The following FNDC11 variants were observed in gnomAD, a reference collection of about 807,000 sequenced individuals.
FNDC11 encodes fibronectin type III domain containing 11.
FNDC11 carries 15 observed loss-of-function variants against 15.8 expected under a neutral mutation model. The ratio of observed to expected loss-of-function variants is 0.95; its 90% CI spans 0.63 to 1.46. FNDC11 has a LOEUF of 1.46. FNDC11 is among the 40% of genes most tolerant of loss of function. The probability of loss-of-function intolerance (pLI) is 0.00; values close to 1 mark genes in which losing one functional copy is unlikely to be tolerated. For synonymous variants in FNDC11, 190 were observed against 203.1 expected (o/e 0.94, Z 0.55); for missense variants, 416 against 443.4 (o/e 0.94, Z 0.55).
At chr20:63,553,735 C>G (rs1029088439), upstream of FNDC11, 1 of 153,348 alleles carries the variant, frequency 6.5e-6, no homozygotes, top group African/African-American at 2.4e-5. Context: ...GCGGGGGAAG[C>G]CGCCCCTCTC....
upstream of FNDC11, among the ~76,000 whole-genome samples, chr20:63,553,305 C>T (rs2082774487): frequency 6.6e-6 from 1 of 152,184 alleles, no homozygotes. Flanking sequence ...CAGGTCGGTG[C>T]CTGAGCTTGG....
rs773939617 is a variant in FNDC11, at chr20:63,556,409, C to T, written c.746C>T (p.Pro249Leu). ...GAGTTGCGCTTCAGGCTGCTGGACC[C>T]GCGGACACAGCAGGAGTGCGCCCAG... ...QYELRFRLLD[P>L]RTQQECAQCG... The change falls in exon 2 of 2, where the codon CCG becomes CTG. Residue 249 changes from proline to leucine, a missense_variant. Pro to Leu is a moderately conservative substitution (Grantham distance 98). Coordinates refer to ENST00000370097, the MANE Select transcript of FNDC11 (RefSeq NM_001319152.2). 6.8e-6 allele frequency: 11 copies of T among 1,612,934 alleles called. No homozygotes were observed. Among genetic ancestry groups the T allele is most frequent in the East Asian group, 2.2e-5 (1 of 44,896 alleles).
chr20:63,556,009 A>C lies in FNDC11; in HGVS notation c.346A>C (p.Thr116Pro). The C allele has an allele frequency of 6.2e-7, 1 of 1,600,250 alleles. No individual in the cohort carries two copies. Among genetic ancestry groups the C allele is most frequent in the Non-Finnish European group, 8.5e-7 (1 of 1,179,948 alleles). Reference protein sequence around the residue: ...WKFQRMKKVGTAQTKIQLLLL... With the variant: ...WKFQRMKKVGPAQTKIQLLLL... Reference sequence around the variant, plus strand: ...GTTCCAGCGCATGAAGAAGGTGGGCACAGCTCAGACCAAGATCCAGCTCCT... The same window carrying C: ...GTTCCAGCGCATGAAGAAGGTGGGCCCAGCTCAGACCAAGATCCAGCTCCT... The change falls in exon 2 of 2, where the codon ACA becomes CCA. Residue 116 changes from threonine (T) to proline (P), a missense_variant. By Grantham distance (38) the Thr-to-Pro change is conservative. Transcript: ENST00000370097.
Position 63,556,482 on chromosome 20 carries a change from G to A in FNDC11, c.819G>A (p.Leu273=). 1.2e-6 allele frequency: 2 copies of A among 1,613,640 alleles called. No individual in the cohort carries two copies. Among genetic ancestry groups the A allele is most frequent in the South Asian group, 1.1e-5 (1 of 91,078 alleles). ...CCTGCACCTTCGACGTCCGAAACCT[G>A]CTGCCCAACCGATCCTATAAGTTCA... is the stretch of plus-strand genomic sequence containing the variant. ...VAACTFDVRN[L]LPNRSYKFTI... Residue 273 remains leucine (L), a synonymous_variant, in exon 2 of 2, where the codon CTG becomes CTA. Coordinates refer to ENST00000370097, the MANE Select transcript of FNDC11 (RefSeq NM_001319152.2).
At chr20:63,555,355 G>A in intron 1 of FNDC11, 1 of 374,610 alleles carries the variant, frequency 2.7e-6, no homozygotes. Context: ...TAGGAACTGG[G>A]GCCCTTGCAA....
Position 63,556,053 on chromosome 20 carries a change from G to A in FNDC11, c.390G>A (p.Leu130=), listed in dbSNP as rs778820120. The A allele has an allele frequency of 2.5e-6, 4 of 1,599,966 alleles. No homozygotes were observed. Among genetic ancestry groups the A allele is most frequent in the East Asian group, 2.2e-5 (1 of 44,894 alleles). ...KIQLLLLGDL[L]EQLDHGRAEL... ...AGCTCCTGCTGCTCGGGGACCTGTTGGAACAGCTCGACCATGGCCGTGCTG... is the reference window on the plus strand; with the variant it reads ...AGCTCCTGCTGCTCGGGGACCTGTTAGAACAGCTCGACCATGGCCGTGCTG... The change falls in exon 2 of 2, where the codon TTG becomes TTA. Residue 130 remains leucine (L), a synonymous_variant. Transcript: ENST00000370097.
chr20:63,556,015 C>G lies in FNDC11; in HGVS notation c.352C>G (p.Gln118Glu). 1 of 1,600,244 alleles carries G rather than the reference C, an allele frequency of 6.2e-7. No homozygotes were observed. Among genetic ancestry groups the G allele is most frequent in the Non-Finnish European group, 8.5e-7 (1 of 1,179,944 alleles). The change falls in exon 2 of 2, where the codon CAG (glutamine) becomes GAG (glutamate). Residue 118 changes from glutamine (Q) to glutamate (E), a missense_variant. Coordinates refer to ENST00000370097, the MANE Select transcript of FNDC11 (RefSeq NM_001319152.2). Reference protein sequence around the residue: ...FQRMKKVGTAQTKIQLLLLGD... With the variant: ...FQRMKKVGTAETKIQLLLLGD... Reference sequence around the variant, plus strand: ...GCGCATGAAGAAGGTGGGCACAGCTCAGACCAAGATCCAGCTCCTGCTGCT... The same window carrying G: ...GCGCATGAAGAAGGTGGGCACAGCTGAGACCAAGATCCAGCTCCTGCTGCT...
chr20:63,553,324 A>G (rs1194230886), upstream of FNDC11, among the ~76,000 whole-genome samples: 1 of 152,114 alleles, frequency 6.6e-6, no homozygotes, highest in East Asian at 2.0e-4. Flanking sequence ...GGGCAGCCCC[A>G]GGTGGAAGGA....
At chr20:63,554,122 G>C (rs1164686386), upstream of FNDC11, 1 of 152,254 alleles carries the variant, frequency 6.6e-6, no homozygotes, top group Non-Finnish European at 1.5e-5. Flanking sequence ...CGTCACAAAG[G>C]CCGCTGGTCC....
chr20:63,555,733 CAGG>C lies in FNDC11; in HGVS notation c.77_79del (p.Glu26del), dbSNP rs765790166. 1.1e-5 allele frequency: 17 copies of C among 1,613,228 alleles called. No individual in the cohort carries two copies. Among genetic ancestry groups the C allele is most frequent in the Non-Finnish European group, 1.4e-5 (17 of 1,180,024 alleles). Reference sequence around the variant, plus strand: ...GGGCAATCCCCAGTCCTTCCTGGACCAGGAGGAGGCAGATGACCAGCAGCTGCT... The same window carrying C: ...GGGCAATCCCCAGTCCTTCCTGGACCAGGAGGCAGATGACCAGCAGCTGCT... On this transcript the variant is annotated inframe_deletion, in exon 2 of 2. Transcript: ENST00000370097.
In FNDC11 at chr20:63,556,336, C is replaced by T. The variant is rs772705629; in HGVS notation, c.673C>T (p.Arg225Trp). 2.2e-5 allele frequency: 36 copies of T among 1,611,598 alleles called. No individual in the cohort carries two copies. The highest frequency in any genetic ancestry group is 1.6e-4 in the Middle Eastern group (1 of 6,082). The change falls in exon 2 of 2, where the codon CGG (arginine) becomes TGG (tryptophan). Residue 225 changes from arginine to tryptophan, a missense_variant. Transcript: ENST00000370097. ...KASAAHQDWA[R>W]LRWFVTIQPA... ...GTCGGCGGCTCACCAGGACTGGGCCCGGCTGCGCTGGTTCGTCACCATCCA... is the reference window on the plus strand; with the variant it reads ...GTCGGCGGCTCACCAGGACTGGGCCTGGCTGCGCTGGTTCGTCACCATCCA...
upstream of FNDC11, among the ~76,000 whole-genome samples, chr20:63,553,339 A>T (rs2082774726): frequency 6.6e-6 from 1 of 151,276 alleles, no homozygotes; most frequent in South Asian, 2.1e-4. Context: ...GAAGGAGCCC[A>T]TGGTGGGAGG....
rs1346802470 is a variant in FNDC11, at chr20:63,555,567, G to A, written c.-10-87G>A. The A allele has an allele frequency of 6.8e-6, 10 of 1,465,374 alleles. No homozygotes were observed. The East Asian group carries it at 2.5e-4, about 36-fold the overall frequency. The allele number at this position is 1,465,374 out of a possible 1,614,324, so 90.8% of individuals were successfully genotyped here. A position where few individuals can be genotyped will look rare whatever the true frequency, so the allele number is the denominator to read the frequency against. On this transcript the variant is annotated intron_variant, in intron 1 of 1. Coordinates refer to ENST00000370097, the MANE Select transcript of FNDC11 (RefSeq NM_001319152.2). The stretch of plus-strand genomic sequence containing the variant: ...AAGAAGGACAGAGGTCCAGCATGGG[G>A]TCAGTGGGCTGAATCCATCCCCCGA...
Position 63,556,138 on chromosome 20 carries a change from G to A in FNDC11, c.475G>A (p.Val159Met). The A allele has an allele frequency of 6.3e-7, 1 of 1,595,818 alleles. No individual in the cohort carries two copies. The highest frequency in any genetic ancestry group is 8.5e-7 in the Non-Finnish European group (1 of 1,173,382). The change falls in exon 2 of 2, where the codon GTG becomes ATG. Residue 159 changes from valine (V) to methionine (M), a missense_variant. Transcript: ENST00000370097. ...PRPFLADWAL[V>M]ERRLADVSAV... is the part of the protein sequence containing the mutation. The stretch of plus-strand genomic sequence containing the variant: ...GCCCTTCCTGGCCGACTGGGCGCTG[G>A]TGGAGCGGCGGCTGGCGGACGTGTC...
chr20:63,556,707 A>G, downstream of FNDC11: 9 of 1,281,010 alleles, frequency 7.0e-6, 1 homozygote, highest in South Asian at 1.1e-4. Context: ...TTATGTTTTA[A>G]AGGCAGCAGC....
rs1170503692 is a variant in FNDC11, at chr20:63,556,324, C to G, written c.661C>G (p.Gln221Glu). 3.7e-6 allele frequency: 6 copies of G among 1,608,934 alleles called. No homozygotes were observed. In the African/African-American group the frequency reaches 6.7e-5, roughly 18 times the overall value. ...TGACCGAAAGGCGTCGGCGGCTCAC[C>G]AGGACTGGGCCCGGCTGCGCTGGTT... ...VFDRKASAAHQDWARLRWFVT... is the reference protein window; with the variant it reads ...VFDRKASAAHEDWARLRWFVT... The change falls in exon 2 of 2, where the codon CAG (glutamine) becomes GAG (glutamate). Residue 221 changes from glutamine (Q) to glutamate (E), a missense_variant. By Grantham distance (29) the Gln-to-Glu change is conservative (BLOSUM62 2). Transcript: ENST00000370097.
At chr20:63,554,816 C>G (rs376913951) in intron 1 of FNDC11, 1 of 152,288 alleles carries the variant, frequency 6.6e-6, no homozygotes, top group Non-Finnish European at 1.5e-5. Context: ...CTGTGACAAC[C>G]TGAGATCTCC....
chr20:63,556,637 A>C lies in FNDC11; in HGVS notation c.*17A>C, dbSNP rs762353877. The C allele has an allele frequency of 3.8e-6, 6 of 1,590,454 alleles. No homozygotes were observed. Among genetic ancestry groups the C allele is most frequent in the Non-Finnish European group, 5.1e-6 (6 of 1,165,128 alleles). ...TCTGTCTGAGAGATGATTTTCTAATATTTATCCACTAATAAAGAAGAGTGT... is the reference window on the plus strand; with the variant it reads ...TCTGTCTGAGAGATGATTTTCTAATCTTTATCCACTAATAAAGAAGAGTGT... On this transcript the variant is annotated 3_prime_UTR_variant, in exon 2 of 2. Transcript: ENST00000370097.
At chr20:63,553,047 G>A (rs539070991), upstream of FNDC11, 3 of 152,410 alleles carry the variant, frequency 2.0e-5, no homozygotes, top group East Asian at 3.8e-4. Flanking sequence ...TGACCTCCGT[G>A]GGGGTGGAGA....
Sources: allele counts gnomAD v4.1 joint callset (sites outside exome capture counted in the v4.1 genomes callset), GRCh38; gene constraint gnomAD v4.1.1; transcripts MANE v1.5; gene names NCBI Gene and HGNC (gene_info 2026-07-23, HGNC 2026-07-21).